LAMTOR3: variants seen among roughly 807,000 people sequenced by gnomAD.
The protein encoded by LAMTOR3 is late endosomal/lysosomal adaptor, MAPK and MTOR activator 3.
LAMTOR3 carries 14 observed loss-of-function variants against 20.3 expected under a neutral mutation model. That is an observed-to-expected ratio of 0.69 (90% CI 0.46 to 1.08). The LOEUF is 1.08. Among genes scored for constraint, LAMTOR3 ranks in the 50% least tolerant of loss-of-function variants. The pLI, the probability that LAMTOR3 is intolerant of heterozygous loss-of-function variation, is 0.00. For synonymous variants in LAMTOR3, 40 were observed against 49.4 expected, an observed-to-expected ratio of 0.81 and a Z score of 0.80; for missense variants, 125 against 143.7, an observed-to-expected ratio of 0.87 and a Z score of 0.67.
intron 6 of LAMTOR3, among the ~76,000 whole-genome samples, chr4:99,882,813 G>T (rs1724853177): frequency 6.6e-6 from 1 of 151,856 alleles, no homozygotes; most frequent in Non-Finnish European, 1.5e-5. Flanking sequence ...AAAAATAAAT[G>T]GTAGAGTACA....
rs1463183306 is a variant in LAMTOR3, at chr4:99,879,034, A to G, written c.*2960T>C. 1 of 152,224 alleles carries G rather than the reference A, an allele frequency of 6.6e-6. No individual in the cohort carries two copies. The highest frequency in any genetic ancestry group is 2.1e-4 in the South Asian group (1 of 4,828). 9.4% of individuals were successfully genotyped at this position (152,224 alleles called of 1,614,324 possible). On this transcript the variant is annotated 3_prime_UTR_variant, in exon 7 of 7. Coordinates refer to ENST00000499666, the MANE Select transcript of LAMTOR3 (RefSeq NM_021970.4). ...GGCAAAAGGTTATGTATATGAATTT[A>G]AAAGTTTCACAGACTGCCAATTGCT...
intron 3 of LAMTOR3, among the ~76,000 whole-genome samples, chr4:99,891,050 G>A (rs559848303): frequency 6.6e-6 from 1 of 152,234 alleles, no homozygotes; most frequent in Non-Finnish European, 1.5e-5. Context: ...TGACTAATGA[G>A]TATCTTTCTG....
At chr4:99,883,179 A>G (rs1490470484) in intron 6 of LAMTOR3, among the ~76,000 whole-genome samples, 2 of 152,080 alleles carry the variant, frequency 1.3e-5, no homozygotes, top group African/African-American at 4.8e-5. Context: ...GTTTTTACAT[A>G]CAGTATTTTA....
At chr4:99,890,455 A>C (rs1324955139) in intron 3 of LAMTOR3, among the ~76,000 whole-genome samples, 2 of 152,218 alleles carry the variant, frequency 1.3e-5, no homozygotes, top group Non-Finnish European at 2.9e-5. Flanking sequence ...ATGGCTCTGA[A>C]GCAGGATGCC....
chr4:99,881,744 G>C lies in LAMTOR3; in HGVS notation c.*250C>G, dbSNP rs2110178608. ...ATCTGGTGACCAGACTAACTCCATG[G>C]GAGCTGTGATAGACTGAACCATTTC... On this transcript the variant is annotated 3_prime_UTR_variant, in exon 7 of 7. Transcript: ENST00000499666. The C allele has an allele frequency of 2.4e-6, 1 of 416,252 alleles. No individual in the cohort carries two copies. The highest frequency in any genetic ancestry group is 4.8e-5 in the East Asian group (1 of 20,768). 25.8% of individuals were successfully genotyped at this position (416,252 alleles called of 1,614,324 possible).
intron 3 of LAMTOR3, among the ~76,000 whole-genome samples, chr4:99,890,575 A>G (rs1182326256): frequency 1.3e-5 from 2 of 152,190 alleles, no homozygotes; most frequent in Non-Finnish European, 2.9e-5. Flanking sequence ...GGGATGCAAT[A>G]AGCCTATTTT....
intron 3 of LAMTOR3, among the ~76,000 whole-genome samples, 187 bp from the exon 4 acceptor site, chr4:99,887,541 T>C (rs1285175283): frequency 6.6e-6 from 1 of 152,164 alleles, no homozygotes; most frequent in Non-Finnish European, 1.5e-5. Flanking sequence ...TATAGAAATG[T>C]TTATAATATT....
intron 5 of LAMTOR3, among the ~76,000 whole-genome samples, chr4:99,884,399 C>G (rs1181799645): frequency 6.6e-6 from 1 of 152,086 alleles, no homozygotes; most frequent in Non-Finnish European, 1.5e-5. Context: ...TAAAGCCCAA[C>G]AGAATATCAA....
Position 99,878,515 on chromosome 4 carries a change from G to A in LAMTOR3, c.*3479C>T, listed in dbSNP as rs977605346. On this transcript the variant is annotated 3_prime_UTR_variant, in exon 7 of 7. Transcript: ENST00000499666. ...CCTTATCCCCCAGGTATCTAGTTCTGCTCCTTGGAGACTACCAATGTGATC... is the reference window on the plus strand; with the variant it reads ...CCTTATCCCCCAGGTATCTAGTTCTACTCCTTGGAGACTACCAATGTGATC... The A allele has an allele frequency of 6.6e-6, 1 of 152,134 alleles. No individual in the cohort carries two copies. The highest frequency in any genetic ancestry group is 1.5e-5 in the Non-Finnish European group (1 of 68,018). The allele number at this position is 152,134 out of a possible 1,614,324, so 9.4% of individuals were successfully genotyped here. A position where few individuals can be genotyped will look rare whatever the true frequency, so the allele number is the denominator to read the frequency against.
At chr4:99,892,773 G>A (rs1578205234) in intron 2 of LAMTOR3, among the ~76,000 whole-genome samples, 1 of 150,270 alleles carries the variant, frequency 6.7e-6, no homozygotes, top group Non-Finnish European at 1.5e-5. Context: ...CTGCCTCCCA[G>A]GTTCAAACGA....
rs199884420 is a variant in LAMTOR3 at position 99,885,325 on chromosome 4, TA to T, written c.237+216del. Among the ~76,000 whole-genome samples the T allele has an allele frequency of 9.2e-5, 14 of 152,324 alleles. No homozygotes were observed. In the East Asian group the frequency reaches 2.7e-3, roughly 29 times the overall value. Reference sequence around the variant, plus strand: ...CTTTTTAGGATAACATGTACTTTATTAAATCACTTAATTACTTTTCCATAGT... The same window carrying T: ...CTTTTTAGGATAACATGTACTTTATTAATCACTTAATTACTTTTCCATAGT... On this transcript the variant is annotated intron_variant, in intron 5 of 6. Coordinates refer to ENST00000499666, the MANE Select transcript of LAMTOR3 (RefSeq NM_021970.4).
At position 99,885,652 on chromosome 4, in the gene LAMTOR3, G is replaced by A. The variant is rs779148848; in HGVS notation, c.127C>T (p.His43Tyr). ...IKVANDNAPE[H>Y]ALRPGFLSTF... is the part of the protein sequence containing the mutation. ...GATAAGAAACCAGGTCGCAAAGCAT[G>A]CTCTGGAGCATTGTCATTTGCCACT... The change falls in exon 5 of 7, where the codon CAT becomes TAT. Residue 43 changes from histidine to tyrosine, a missense_variant. His to Tyr is a moderately conservative substitution (Grantham distance 83, BLOSUM62 2). This residue lies in a region of LAMTOR3 where 99 missense variants were observed against 96.0 expected (regional missense o/e 1.03). Transcript: ENST00000499666. 6.2e-7 allele frequency: 1 copy of A among 1,612,980 alleles called. No homozygotes were observed. Among genetic ancestry groups the A allele is most frequent in the Non-Finnish European group, 8.5e-7 (1 of 1,179,504 alleles).
At position 99,881,451 on chromosome 4, in the gene LAMTOR3, T is replaced by G. The variant is rs1326392132; in HGVS notation, c.*543A>C. The G allele has an allele frequency of 6.6e-6, 1 of 152,254 alleles. No homozygotes were observed. The highest frequency in any genetic ancestry group is 6.5e-5 in the Admixed American group (1 of 15,284). The allele number at this position is 152,254 out of a possible 1,614,324, so 9.4% of individuals were successfully genotyped here. Reference sequence around the variant, plus strand: ...AGAATAATCAAACTGATTAGTAATATTCATCTATACTGCAAAATAATATGT... The same window carrying G: ...AGAATAATCAAACTGATTAGTAATAGTCATCTATACTGCAAAATAATATGT... On this transcript the variant is annotated 3_prime_UTR_variant, in exon 7 of 7. Coordinates refer to ENST00000499666, the MANE Select transcript of LAMTOR3 (RefSeq NM_021970.4).
At chr4:99,892,841 G>C (rs1231113971) in intron 2 of LAMTOR3, among the ~76,000 whole-genome samples, 1 of 152,008 alleles carries the variant, frequency 6.6e-6, no homozygotes, top group Non-Finnish European at 1.5e-5. Flanking sequence ...ACCATGCCCA[G>C]CTAATTTTTT....
chr4:99,893,831 T>C (rs1725069873), intron 2 of LAMTOR3, 124 bp downstream of exon 2: 1 of 611,742 alleles, frequency 1.6e-6, no homozygotes, highest in Non-Finnish European at 2.7e-6. Flanking sequence ...AATAATTAAC[T>C]GGGATGGGTG....
At position 99,882,046 on chromosome 4, in the gene LAMTOR3, T is replaced by C; in HGVS notation, c.323A>G (p.Lys108Arg). 1 of 1,585,860 alleles carries C rather than the reference T, an allele frequency of 6.3e-7. No individual in the cohort carries two copies. The highest frequency in any genetic ancestry group is 8.5e-7 in the Non-Finnish European group (1 of 1,170,762). ...TTCTTCAAACAATGGAGCAAGTTCC[T>C]TTTCTAGGCTGACAATTAGTCCTAA... ...ANTGLIVSLE[K>R]ELAPLFEELR... The change falls in exon 7 of 7, where the codon AAG becomes AGG. Residue 108 changes from lysine to arginine, a missense_variant. By Grantham distance (26) the Lys-to-Arg change is conservative (BLOSUM62 2). Transcript: ENST00000499666.
rs1335864963 is a variant in LAMTOR3, at chr4:99,892,036, TGAAA to T, written c.10-6_10-3del. The T allele has an allele frequency of 1.9e-6, 3 of 1,568,576 alleles. No individual in the cohort carries two copies. Among genetic ancestry groups the T allele is most frequent in the Non-Finnish European group, 2.6e-6 (3 of 1,163,748 alleles). ...TTTATACAAGAATCGCTTTAGGTCC[TGAAA>T]GAGAGCATTAAAAAATAATGTTGTA... On this transcript the variant is annotated splice_polypyrimidine_tract_variant and splice_region_variant and intron_variant, in intron 2 of 6. Coordinates refer to ENST00000499666, the MANE Select transcript of LAMTOR3 (RefSeq NM_021970.4).
At chr4:99,894,035 T>G in intron 1 of LAMTOR3, 35 bp from the exon 2 acceptor site, 1 of 1,378,710 alleles carries the variant, frequency 7.3e-7, no homozygotes, top group Non-Finnish European at 9.8e-7. Context: ...CTTCCCTCTT[T>G]GGCTTCCTCG....
At chr4:99,893,472 T>C (rs1725063463) in intron 2 of LAMTOR3, among the ~76,000 whole-genome samples, 1 of 150,624 alleles carries the variant, frequency 6.6e-6, no homozygotes, top group Non-Finnish European at 1.5e-5. Flanking sequence ...TTTATCCTCC[T>C]ACACACACAC....
Sources: gnomAD v4.1 joint callset for allele counts (sites outside exome capture counted in the v4.1 genomes callset) on GRCh38, gnomAD v4.1.1 for gene constraint, gnomAD v4.1.1 regional missense constraint, MANE v1.5 for transcripts, NCBI Gene and HGNC (gene_info 2026-07-23, HGNC 2026-07-21) for gene names.